SUGCT: variants seen among roughly 807,000 people sequenced by gnomAD.
The protein encoded by SUGCT is succinyl-CoA:glutarate CoA-transferase.
SUGCT carries 41 observed loss-of-function variants against 55.0 expected under a neutral mutation model. The ratio of observed to expected loss-of-function variants is 0.74; its 90% CI spans 0.58 to 0.97. The LOEUF is 0.97. Among genes scored for constraint, SUGCT ranks in the 50% least tolerant of loss-of-function variants. The pLI is 0.00. For missense variants in SUGCT, 568 were observed against 547.8 expected (o/e 1.04, Z -0.37); for synonymous variants, 187 against 200.4 (o/e 0.93, Z 0.56).
chr7:40,345,495 A>C (rs1261780922), intron 9 of SUGCT, among the ~76,000 whole-genome samples: 2 of 152,078 alleles, frequency 1.3e-5, no homozygotes, highest in Non-Finnish European at 2.9e-5. Context: ...TATGAATTTC[A>C]TTTTTATGAC....
At chr7:40,715,845 C>T (rs557109631) in intron 12 of SUGCT, among the ~76,000 whole-genome samples, 38 of 152,254 alleles carry the variant, frequency 2.5e-4, no homozygotes, top group East Asian at 1.2e-3. Context: ...TGTGGTTTTT[C>T]GCCCTCCCCT....
At chr7:40,790,737 T>A (rs1790269603) in intron 13 of SUGCT, among the ~76,000 whole-genome samples, 1 of 152,230 alleles carries the variant, frequency 6.6e-6, no homozygotes, top group South Asian at 2.1e-4. Context: ...ATTTGAGATA[T>A]TATCAATGAT....
intron 7 of SUGCT, among the ~76,000 whole-genome samples, chr7:40,261,471 A>C (rs575237831): frequency 6.6e-6 from 1 of 152,316 alleles, no homozygotes; most frequent in South Asian, 2.1e-4. Flanking sequence ...GAGAATACTA[A>C]CATGTATCCC....
intron 9 of SUGCT, among the ~76,000 whole-genome samples, chr7:40,417,878 AT>A (rs1787095371): frequency 1.5e-5 from 2 of 133,798 alleles, no homozygotes; most frequent in South Asian, 6.0e-4. Flanking sequence ...TTTTTGCTTT[AT>A]TTATTACACT....
intron 13 of SUGCT, among the ~76,000 whole-genome samples, chr7:40,855,277 AAAAAGAAAAG>A (rs966381745): frequency 4.6e-5 from 7 of 151,478 alleles, no homozygotes; most frequent in East Asian, 1.9e-4. Context: ...CTCAAAAAAA[AAAAAGAAAAG>A]AAAAGAAAAG....
chr7:40,443,235 C>T (rs1034676612), intron 9 of SUGCT, among the ~76,000 whole-genome samples: 12 of 152,120 alleles, frequency 7.9e-5, no homozygotes, highest in African/African-American at 2.9e-4. Flanking sequence ...TAGGTATATA[C>T]CCAGTAATGG....
At chr7:41,010,381 A>G in the SUGCT span, among the ~76,000 whole-genome samples, 1 of 152,200 alleles carries the variant, frequency 6.6e-6, no homozygotes, top group Non-Finnish European at 1.5e-5. Context: ...ATAGTGGAGT[A>G]AAAAAATGGA....
chr7:40,832,785 T>C (rs575443421), intron 13 of SUGCT, among the ~76,000 whole-genome samples: 20 of 151,786 alleles, frequency 1.3e-4, no homozygotes, highest in African/African-American at 4.6e-4. Context: ...CGCCATTCTC[T>C]TGCCTCACCC....
the SUGCT span, among the ~76,000 whole-genome samples, chr7:40,870,483 T>C: frequency 6.6e-6 from 1 of 152,168 alleles, no homozygotes; most frequent in South Asian, 2.1e-4. Flanking sequence ...CAGTCCAAAA[T>C]AACTCCTCCA....
At chr7:40,850,889 A>AG (rs1793815765) in intron 13 of SUGCT, among the ~76,000 whole-genome samples, 2 of 152,218 alleles carry the variant, frequency 1.3e-5, no homozygotes, top group African/African-American at 4.8e-5. Context: ...GCTCAATGAG[A>AG]GGTATCTAAG....
chr7:40,242,660 A>G (rs1299514995), intron 7 of SUGCT, among the ~76,000 whole-genome samples: 1 of 151,644 alleles, frequency 6.6e-6, no homozygotes, highest in Non-Finnish European at 1.5e-5. Flanking sequence ...GCTGCTTGAT[A>G]TTTGTTACGA....
chr7:40,997,660 C>T, the SUGCT span, among the ~76,000 whole-genome samples: 189 of 152,288 alleles, frequency 1.2e-3, 1 homozygote, highest in African/African-American at 4.4e-3. Context: ...CTGGTTCAAA[C>T]ATATCTTCTT....
chr7:40,571,943 G>A (rs1303681635), intron 12 of SUGCT, among the ~76,000 whole-genome samples: 1 of 152,162 alleles, frequency 6.6e-6, no homozygotes, highest in African/African-American at 2.4e-5. Context: ...TAGCAATCAA[G>A]TGACTGCTCT....
chr7:40,676,513 T>G (rs550136755), intron 12 of SUGCT, among the ~76,000 whole-genome samples: 5 of 150,782 alleles, frequency 3.3e-5, no homozygotes, highest in African/African-American at 9.7e-5. Flanking sequence ...TGTTTTTTTT[T>G]TTTTTTTGAG....
In SUGCT at chr7:40,319,475, A is replaced by G. The variant is rs1296384932; in HGVS notation, c.816+2620A>G. ...CTTTGCATCTAAGTTGAGTTGTCTG[A>G]GTTTTGGGCTGTCTATAATGGAAGA... On this transcript the variant is annotated intron_variant, in intron 9 of 13. Coordinates refer to ENST00000335693, the MANE Select transcript of SUGCT (RefSeq NM_001193313.2). Among the ~76,000 whole-genome samples the G allele has an allele frequency of 2.6e-5, 4 of 152,062 alleles. No homozygotes were observed. In the East Asian group the frequency reaches 5.8e-4, roughly 22 times the overall value.
chr7:41,014,201 C>A, the SUGCT span, among the ~76,000 whole-genome samples: 1 of 152,132 alleles, frequency 6.6e-6, no homozygotes, highest in African/African-American at 2.4e-5. Context: ...ATCTTTGCAA[C>A]TTCATGTGAA....
At chr7:40,665,248 G>T (rs1801556739) in intron 12 of SUGCT, among the ~76,000 whole-genome samples, 1 of 151,536 alleles carries the variant, frequency 6.6e-6, no homozygotes, top group Admixed American at 6.6e-5. Flanking sequence ...AGACCAGCCT[G>T]GCTAACATGG....
chr7:40,493,742 T>C (rs915449002), intron 11 of SUGCT, among the ~76,000 whole-genome samples: 1 of 152,244 alleles, frequency 6.6e-6, no homozygotes, highest in Non-Finnish European at 1.5e-5. Flanking sequence ...TTGCCCTGAG[T>C]GATTTAGATC....
In SUGCT at chr7:40,657,814, C is replaced by A. The variant is rs547707706; in HGVS notation, c.1090-91620C>A. ...CTCCCAAAGTGCTGGAATTACAGGCCTGAGCCACTGCGCCCGGCCATGAAG... is the reference window on the plus strand; with the variant it reads ...CTCCCAAAGTGCTGGAATTACAGGCATGAGCCACTGCGCCCGGCCATGAAG... On this transcript the variant is annotated intron_variant, in intron 12 of 13. Transcript: ENST00000335693. 4.6e-5 allele frequency among the ~76,000 whole-genome samples: 7 copies of A among 152,262 alleles called. No individual in the cohort carries two copies. In the East Asian group the frequency reaches 1.2e-3, roughly 25 times the overall value.
Sources: gnomAD v4.1 joint callset for allele counts (sites outside exome capture counted in the v4.1 genomes callset) on GRCh38, gnomAD v4.1.1 for gene constraint, MANE v1.5 for transcripts, NCBI Gene and HGNC (gene_info 2026-07-23, HGNC 2026-07-21) for gene names.